The following MGST2 variants were observed in gnomAD, a reference collection of about 807,000 sequenced individuals.
The protein encoded by MGST2 is glutathione peroxidase MGST2.
In MGST2, 9 loss-of-function variants were observed where a neutral mutation model predicts 16.6. That is an observed-to-expected ratio of 0.54 (90% confidence interval 0.33 to 0.95). The LOEUF (loss-of-function observed/expected upper bound fraction) is 0.95. MGST2 is among the 40% of genes least tolerant of loss of function. The pLI is 0.03. For missense variants in MGST2, 159 were observed against 175.1 expected (o/e 0.91, Z 0.52); for synonymous variants, 79 against 68.0 (o/e 1.16, Z -0.79).
At chr4:139,750,390 T>C in the MGST2 span, among the ~76,000 whole-genome samples, 11 of 152,312 alleles carry the variant, frequency 7.2e-5, no homozygotes, top group East Asian at 2.1e-3. Flanking sequence ...GAGTCCTCCT[T>C]CTGAGGATGG....
At chr4:139,754,307 A>G in the MGST2 span, among the ~76,000 whole-genome samples, 1 of 152,230 alleles carries the variant, frequency 6.6e-6, no homozygotes, top group African/African-American at 2.4e-5. Flanking sequence ...TTATAAATTT[A>G]TCCACTATGG....
chr4:139,708,919 T>C (rs181375651), downstream of MGST2, among the ~76,000 whole-genome samples: 995 of 148,722 alleles, frequency 6.7e-3, 13 homozygotes, highest in South Asian at 0.041. Flanking sequence ...GGAGAATCAC[T>C]TGAACCCAGG....
intron 2 of MGST2, among the ~76,000 whole-genome samples, chr4:139,680,033 C>T (rs578042158): frequency 6.6e-6 from 1 of 152,168 alleles, no homozygotes; most frequent in Non-Finnish European, 1.5e-5. Context: ...TTTTTGATTA[C>T]TACTTTGGGT....
intron 5 of MGST2, among the ~76,000 whole-genome samples, chr4:139,713,473 CAGAAAAAAAAAA>C (rs1727816152): frequency 7.3e-4 from 3 of 4,136 alleles, no homozygotes; most frequent in South Asian, 0.012. Flanking sequence ...AGTGGCAAGA[CAGAAAAAAAAAA>C]AAAAAAAAAA....
chr4:139,674,656 C>G (rs1261070479), intron 1 of MGST2, among the ~76,000 whole-genome samples: 2 of 152,066 alleles, frequency 1.3e-5, no homozygotes, highest in East Asian at 3.8e-4. Flanking sequence ...TGGCACATGC[C>G]TGTAATCCCA....
At chr4:139,733,021 G>T (rs1461077987) in intron 5 of MGST2, among the ~76,000 whole-genome samples, 1 of 152,166 alleles carries the variant, frequency 6.6e-6, no homozygotes, top group Admixed American at 6.5e-5. Flanking sequence ...CCTTGCAGGG[G>T]CCTAGATATT....
intron 3 of MGST2, among the ~76,000 whole-genome samples, chr4:139,697,030 G>T (rs1726963728): frequency 6.6e-6 from 1 of 152,038 alleles, no homozygotes; most frequent in Non-Finnish European, 1.5e-5. Context: ...ATGTTAGAAG[G>T]TAATCCCGTC....
At chr4:139,688,049 T>A (rs189125951) in intron 2 of MGST2, among the ~76,000 whole-genome samples, 34 of 152,312 alleles carry the variant, frequency 2.2e-4, no homozygotes, top group African/African-American at 7.9e-4. Flanking sequence ...AAAAAGTAGA[T>A]CCAAGTAATA....
In MGST2 at chr4:139,697,566, G is replaced by A. The variant is rs538884854; in HGVS notation, c.229+2299G>A. On this transcript the variant is annotated intron_variant, in intron 3 of 4. Coordinates refer to ENST00000265498, the MANE Select transcript of MGST2 (RefSeq NM_002413.5). ...CTTTTGCTTAAAGTTGTCATACAAG[G>A]ATTTTGCTTTTTCTCGAATCCTATT... Among the ~76,000 whole-genome samples, 4 of 152,226 alleles carry A rather than the reference G, an allele frequency of 2.6e-5. No individual in the cohort carries two copies. The South Asian group carries it at 8.3e-4, about 32-fold the overall frequency.
chr4:139,676,582 T>C (rs1245213890), intron 1 of MGST2, among the ~76,000 whole-genome samples: 5 of 152,104 alleles, frequency 3.3e-5, no homozygotes, highest in Non-Finnish European at 7.4e-5. Context: ...CCCACCCACA[T>C]TAAGGAGGGT....
intron 5 of MGST2, among the ~76,000 whole-genome samples, chr4:139,712,638 T>TA (rs1727785759): frequency 6.6e-6 from 1 of 152,182 alleles, no homozygotes; most frequent in South Asian, 2.1e-4. Context: ...ATGAGTTAGG[T>TA]AAATTCCTGT....
At chr4:139,720,268 T>C (rs1728182308) in intron 5 of MGST2, 3 of 1,587,494 alleles carry the variant, frequency 1.9e-6, no homozygotes, top group Non-Finnish European at 2.6e-6. Flanking sequence ...GCCGTGACGT[T>C]CGCATGCTCT....
chr4:139,666,908 T>C (rs914533964), intron 1 of MGST2, among the ~76,000 whole-genome samples: 13 of 152,260 alleles, frequency 8.5e-5, no homozygotes, highest in African/African-American at 2.7e-4. Flanking sequence ...CCTCCGTGCA[T>C]GCTCAATGTC....
intron 5 of MGST2, among the ~76,000 whole-genome samples, chr4:139,711,845 G>C (rs1434444186): frequency 2.6e-5 from 4 of 152,116 alleles, no homozygotes; most frequent in Non-Finnish European, 4.4e-5. Flanking sequence ...GGGTTGCAGA[G>C]GGACAAAGAT....
intron 3 of MGST2, among the ~76,000 whole-genome samples, chr4:139,699,867 G>T (rs1727141644): frequency 6.6e-6 from 1 of 152,082 alleles, no homozygotes; most frequent in African/African-American, 2.4e-5. Flanking sequence ...AGGAGACCCT[G>T]TGTCTACAAA....
downstream of MGST2, among the ~76,000 whole-genome samples, chr4:139,742,305 C>T (rs1452786142): frequency 2.6e-5 from 4 of 152,132 alleles, no homozygotes; most frequent in African/African-American, 7.2e-5. Context: ...TGTGCCACCA[C>T]GCCCGGCTAA....
At chr4:139,689,214 C>T (rs1178280713) in intron 2 of MGST2, among the ~76,000 whole-genome samples, 1 of 151,606 alleles carries the variant, frequency 6.6e-6, no homozygotes, top group African/African-American at 2.4e-5. Context: ...GCATCTGTCA[C>T]ATAATCCGGG....
At position 139,710,429 on chromosome 4, in the gene MGST2, C is replaced by T. The variant is rs551552926; in HGVS notation, c.*48+6233C>T. 3.3e-5 allele frequency among the ~76,000 whole-genome samples: 5 copies of T among 152,270 alleles called. No individual in the cohort carries two copies. The South Asian group carries it at 8.3e-4, about 25-fold the overall frequency. On this transcript the variant is annotated intron_variant, in intron 5 of 5. Transcript: ENST00000616265. Reference sequence around the variant, plus strand: ...AAAAGAGAAAGGTATTCCATTCATCCAGTGCCAAACGAGTATAAGTAAGAA... The same window carrying T: ...AAAAGAGAAAGGTATTCCATTCATCTAGTGCCAAACGAGTATAAGTAAGAA...
chr4:139,730,290 T>C, intron 5 of MGST2: 1 of 824,980 alleles, frequency 1.2e-6, no homozygotes, highest in Non-Finnish European at 1.9e-6. Flanking sequence ...CTTGTGATCC[T>C]GGGAAATGCT....
Sources: allele counts gnomAD v4.1 joint callset (sites outside exome capture counted in the v4.1 genomes callset), GRCh38; gene constraint gnomAD v4.1.1; transcripts MANE v1.5; gene names NCBI Gene and HGNC (gene_info 2026-07-23, HGNC 2026-07-21).